SEC31A: variants seen among roughly 807,000 people sequenced by gnomAD.
SEC31A encodes SEC31 homolog A, COPII component, also known as protein transport protein Sec31A.
In SEC31A, 70 loss-of-function variants were observed where a neutral mutation model predicts 151.0. The ratio of observed to expected loss-of-function variants is 0.46; its 90% CI spans 0.38 to 0.57. SEC31A has a LOEUF of 0.57. Ranked by LOEUF, SEC31A falls within the 20% of genes least tolerant of loss-of-function variation. The probability of loss-of-function intolerance (pLI) is 0.00; values close to 1 mark genes in which losing one functional copy is unlikely to be tolerated. For missense variants in SEC31A, 1,330 were observed against 1,471.2 expected (o/e 0.90, Z 1.57); for synonymous variants, 475 against 505.9 (o/e 0.94, Z 0.82).
chr4:82,862,128 G>C (rs1274510980), intron 13 of SEC31A, among the ~76,000 whole-genome samples: 4 of 150,782 alleles, frequency 2.7e-5, no homozygotes, highest in Non-Finnish European at 5.9e-5. Flanking sequence ...GGTCAGGCTG[G>C]TCTTGAACTC....
intron 2 of SEC31A, chr4:82,899,756 A>G (rs1679699032): frequency 6.5e-6 from 1 of 152,672 alleles, no homozygotes; most frequent in South Asian, 2.1e-4. Context: ...AGTAAACACA[A>G]AGGGGAAAAA....
chr4:82,881,541 A>C (rs1287510442), intron 2 of SEC31A, among the ~76,000 whole-genome samples: 1 of 152,226 alleles, frequency 6.6e-6, no homozygotes, highest in African/African-American at 2.4e-5. Flanking sequence ...TTATATAAAA[A>C]TGCTAACATC....
chr4:82,850,571 A>T (rs1035296071), intron 19 of SEC31A, among the ~76,000 whole-genome samples: 4 of 152,236 alleles, frequency 2.6e-5, no homozygotes, highest in African/African-American at 7.2e-5. Flanking sequence ...ATTAATAAAA[A>T]AGTACAGAGA....
chr4:82,867,511 T>G (rs1413098607), intron 8 of SEC31A, among the ~76,000 whole-genome samples, 195 bp from the exon 9 acceptor site: 1 of 152,236 alleles, frequency 6.6e-6, no homozygotes, highest in Non-Finnish European at 1.5e-5. Flanking sequence ...CTATTCTGAT[T>G]AACAGGAATG....
chr4:82,881,179 A>C (rs558571075), intron 2 of SEC31A, among the ~76,000 whole-genome samples: 1 of 152,256 alleles, frequency 6.6e-6, no homozygotes, highest in African/African-American at 2.4e-5. Flanking sequence ...TGGTCCCGTG[A>C]TGGGGGCTGG....
At chr4:82,860,529 G>A (rs1270826001) in intron 14 of SEC31A, among the ~76,000 whole-genome samples, 3 of 152,172 alleles carry the variant, frequency 2.0e-5, no homozygotes, top group Non-Finnish European at 4.4e-5. Flanking sequence ...AGGCTGGAAT[G>A]CAATGGTGTG....
Position 82,848,795 on chromosome 4 carries a change from A to G in SEC31A, c.2502+9T>C. 6.2e-7 allele frequency: 1 copy of G among 1,605,764 alleles called. No individual in the cohort carries two copies. Among genetic ancestry groups the G allele is most frequent in the Non-Finnish European group, 8.5e-7 (1 of 1,177,348 alleles). On this transcript the variant is annotated intron_variant, in intron 20 of 26. Transcript: ENST00000395310. ...AGTGTTCCTACTTCATCTGGACCAT[A>G]TCACTCACATGGGGATAATATTGTT...
intron 22 of SEC31A, among the ~76,000 whole-genome samples, chr4:82,841,749 A>G (rs1184049546): frequency 3.3e-5 from 5 of 151,648 alleles, no homozygotes; most frequent in African/African-American, 1.2e-4. Flanking sequence ...AAGCGGGTGG[A>G]TCACTTGAGG....
rs1740769287 is a variant in SEC31A, at chr4:82,886,616, C to A, written c.-5+4472G>T. 2.0e-5 allele frequency among the ~76,000 whole-genome samples: 3 copies of A among 152,236 alleles called. No individual in the cohort carries two copies. In the South Asian group the frequency reaches 6.2e-4, roughly 32 times the overall value. On this transcript the variant is annotated intron_variant, in intron 1 of 26. Coordinates refer to ENST00000395310, the MANE Select transcript of SEC31A (RefSeq NM_001077207.4). ...GGCATTTATTTTCTTACATGAATCT[C>A]CTCTTCTTCCTCTTTGCCAACTGTC...
intron 4 of SEC31A, 108 bp from the exon 5 acceptor site, chr4:82,875,930 T>C (rs1386283961): frequency 7.8e-6 from 4 of 513,608 alleles, no homozygotes; most frequent in Non-Finnish European, 1.3e-5. Context: ...ACAATTTTTC[T>C]ATTTAATTTG....
At position 82,848,821 on chromosome 4, in the gene SEC31A, G is replaced by C; in HGVS notation, c.2485C>G (p.Gln829Glu). 6.2e-7 allele frequency: 1 copy of C among 1,613,154 alleles called. No individual in the cohort carries two copies. The highest frequency in any genetic ancestry group is 1.1e-5 in the South Asian group (1 of 90,876). ...GHHQMPRVQT[Q>E]QYYPHGENPP... ...TCACTCACATGGGGATAATATTGTT[G>C]AGTTTGAACTCTTGGCATCTGGTGG... Residue 829 changes from glutamine to glutamate, a missense_variant, in exon 20 of 27, where the codon CAA becomes GAA. Coordinates refer to ENST00000395310, the MANE Select transcript of SEC31A (RefSeq NM_001077207.4).
chr4:82,883,820 C>A (rs1307201799), intron 1 of SEC31A, among the ~76,000 whole-genome samples: 1 of 150,224 alleles, frequency 6.7e-6, no homozygotes, highest in Admixed American at 6.6e-5. Context: ...CAGAGTGAGA[C>A]CATGACTCAA....
intron 24 of SEC31A, among the ~76,000 whole-genome samples, chr4:82,825,741 A>G (rs939725886): frequency 6.6e-6 from 1 of 152,252 alleles, no homozygotes; most frequent in Non-Finnish European, 1.5e-5. Flanking sequence ...ATCAAAGTAG[A>G]TATCGGCAGA....
intron 19 of SEC31A, among the ~76,000 whole-genome samples, chr4:82,850,449 C>G (rs1455688799): frequency 6.6e-6 from 1 of 151,952 alleles, no homozygotes; most frequent in Non-Finnish European, 1.5e-5. Flanking sequence ...CCTCCATAGT[C>G]CTGGAGAATA....
At chr4:82,841,115 C>A (rs557023455) in intron 22 of SEC31A, among the ~76,000 whole-genome samples, 9 of 152,134 alleles carry the variant, frequency 5.9e-5, no homozygotes, top group African/African-American at 1.9e-4. Flanking sequence ...CAAAAACATA[C>A]TTTTTCTATT....
At chr4:82,880,950 T>A in intron 2 of SEC31A, 28 bp from the exon 3 acceptor site, 3 of 1,559,620 alleles carry the variant, frequency 1.9e-6, no homozygotes, top group East Asian at 4.5e-5. Flanking sequence ...ATGGTAACTA[T>A]ACACACAAAA....
chr4:82,827,456 T>G lies in SEC31A; in HGVS notation c.3204A>C (p.Gln1068His). The G allele has an allele frequency of 6.2e-7, 1 of 1,614,142 alleles. No homozygotes were observed. Among genetic ancestry groups the G allele is most frequent in the Non-Finnish European group, 8.5e-7 (1 of 1,180,008 alleles). The change falls in exon 24 of 27, where the codon CAA becomes CAC. Residue 1068 changes from glutamine (Q) to histidine (H), a missense_variant. Gln to His is a conservative substitution (Grantham distance 24). Coordinates refer to ENST00000395310, the MANE Select transcript of SEC31A (RefSeq NM_001077207.4). Reference protein sequence around the residue: ...PGGQPFHGVQQPLGQTGMPPS... With the variant: ...PGGQPFHGVQHPLGQTGMPPS... ...GTGGCATGCCTGTTTGACCAAGAGGTTGCTGTACGCCATGGAAGGGCTGGC... is the reference window on the plus strand; with the variant it reads ...GTGGCATGCCTGTTTGACCAAGAGGGTGCTGTACGCCATGGAAGGGCTGGC...
At chr4:82,866,585 A>C (rs1735452060) in intron 10 of SEC31A, among the ~76,000 whole-genome samples, 1 of 152,220 alleles carries the variant, frequency 6.6e-6, no homozygotes, top group African/African-American at 2.4e-5. Context: ...AAAATGAACA[A>C]AATGATCAAT....
At chr4:82,837,709 C>T (rs530727418) in intron 22 of SEC31A, among the ~76,000 whole-genome samples, 9 of 152,128 alleles carry the variant, frequency 5.9e-5, no homozygotes, top group African/African-American at 9.7e-5. Flanking sequence ...TCCACCTTAG[C>T]GTAGAGATTT....
Sources: allele counts gnomAD v4.1 joint callset (sites outside exome capture counted in the v4.1 genomes callset), GRCh38; gene constraint gnomAD v4.1.1; transcripts MANE v1.5; gene names NCBI Gene and HGNC (gene_info 2026-07-23, HGNC 2026-07-21).